The following OPHN1 variants were observed in gnomAD, a reference collection of about 807,000 sequenced individuals.
OPHN1 encodes the protein oligophrenin-1.
A neutral mutation model predicts 60.7 loss-of-function variants in OPHN1; 11 were observed. The ratio of observed to expected loss-of-function variants is 0.18; its 90% confidence interval spans 0.11 to 0.30. OPHN1 has a LOEUF of 0.30. OPHN1 is among the 10% of genes least tolerant of loss of function. OPHN1 has a pLI of 1.00. For synonymous variants in OPHN1, 226 were observed against 222.6 expected (o/e 1.02, Z -0.14); for missense variants, 449 against 611.0 (o/e 0.73, Z 2.80).
intron 19 of OPHN1, among the ~76,000 whole-genome samples, chrX:68,079,707 T>G (rs1347834888): frequency 8.9e-6 from 1 of 112,122 alleles, no homozygotes; most frequent in Non-Finnish European, 1.9e-5. Context: ...TCTAACTAAC[T>G]GCTCAATGTT....
intron 8 of OPHN1, 56 bp downstream of exon 8, chrX:68,212,052 G>T (rs752565032): frequency 1.0e-5 from 9 of 875,226 alleles, no homozygotes; most frequent in Non-Finnish European, 1.5e-5. Context: ...GGTCGCTAGG[G>T]CTGAAATTCA....
At chrX:68,421,505 A>G (rs1204267844) in intron 2 of OPHN1, among the ~76,000 whole-genome samples, 1 of 111,743 alleles carries the variant, frequency 8.9e-6, no homozygotes, top group Admixed American at 9.6e-5. Context: ...AGGGGCAGCT[A>G]TAAAACACCT....
chrX:68,347,756 G>A (rs1434080533), intron 2 of OPHN1, among the ~76,000 whole-genome samples: 4 of 111,980 alleles, frequency 3.6e-5, no homozygotes, highest in Non-Finnish European at 3.8e-5. Context: ...GCTCTGCTAA[G>A]AAGCTCTCTG....
At chrX:68,382,242 G>A (rs1388440409) in intron 2 of OPHN1, among the ~76,000 whole-genome samples, 1 of 110,935 alleles carries the variant, frequency 9.0e-6, no homozygotes, top group Admixed American at 9.7e-5. Flanking sequence ...AGCTACTCAG[G>A]AGGCTGAGGC....
At chrX:68,220,079 T>C in intron 6 of OPHN1, among the ~76,000 whole-genome samples, 1 of 103,956 alleles carries the variant, frequency 9.6e-6, no homozygotes, top group African/African-American at 3.4e-5. Flanking sequence ...ATAGACGCAA[T>C]AAAAAATGAT....
At chrX:68,241,375 A>G (rs1386560530) in intron 5 of OPHN1, among the ~76,000 whole-genome samples, 1 of 112,079 alleles carries the variant, frequency 8.9e-6, no homozygotes, top group East Asian at 2.8e-4. Flanking sequence ...CATTATTAAT[A>G]ATAGCAAAGT....
chrX:68,349,424 T>A (rs886963483), intron 2 of OPHN1, among the ~76,000 whole-genome samples: 16 of 110,951 alleles, frequency 1.4e-4, no homozygotes, highest in Middle Eastern at 4.6e-3. Flanking sequence ...GCTGGAGAGG[T>A]TGTGGAAAAA....
chrX:68,304,609 T>C (rs759705871), intron 2 of OPHN1, among the ~76,000 whole-genome samples: 51 of 111,927 alleles, frequency 4.6e-4, no homozygotes, highest in African/African-American at 1.6e-3. Context: ...CTTAGCATTC[T>C]TTAAATTAAC....
intron 21 of OPHN1, among the ~76,000 whole-genome samples, chrX:68,055,369 T>C (rs1198466704): frequency 4.5e-5 from 5 of 112,193 alleles, no homozygotes; most frequent in African/African-American, 1.3e-4. Flanking sequence ...TCATCACTGG[T>C]CATCAGAGAA....
chrX:68,384,596 C>T (rs1373032558), intron 2 of OPHN1, among the ~76,000 whole-genome samples: 1 of 110,762 alleles, frequency 9.0e-6, no homozygotes, highest in Admixed American at 9.7e-5. Context: ...TTGGCAGTTG[C>T]CTATAGTCCC....
chrX:68,204,565 A>G (rs996944613), intron 10 of OPHN1, among the ~76,000 whole-genome samples: 4 of 112,047 alleles, frequency 3.6e-5, no homozygotes, highest in African/African-American at 1.3e-4. Flanking sequence ...GTAAAATACA[A>G]ACTAGTATTA....
At chrX:68,259,113 G>A (rs1341341753) in intron 5 of OPHN1, among the ~76,000 whole-genome samples, 2 of 111,145 alleles carry the variant, frequency 1.8e-5, no homozygotes, top group Admixed American at 9.6e-5. Flanking sequence ...ACTGTCACAG[G>A]AGTATTGTTT....
chrX:68,321,413 AG>A (rs1169171454), intron 2 of OPHN1, among the ~76,000 whole-genome samples: 3 of 112,180 alleles, frequency 2.7e-5, no homozygotes, highest in Non-Finnish European at 3.8e-5. Flanking sequence ...AGAAGGATAC[AG>A]AATTCAAAAG....
In OPHN1 at chrX:68,323,963, G is replaced by A. The variant is rs775727781; in HGVS notation, c.155-24867C>T. On this transcript the variant is annotated intron_variant, in intron 2 of 24. Coordinates refer to ENST00000355520, the MANE Select transcript of OPHN1 (RefSeq NM_002547.3). ...AGACTAGAAAGAACTTCATTAACCT[G>A]ATGACCACTATCTATTAAAAGCTTA... Among the ~76,000 whole-genome samples, 7 of 111,887 alleles carry A rather than the reference G, an allele frequency of 6.3e-5. 1 individual carries two copies. The South Asian group carries it at 1.5e-3, about 24-fold the overall frequency.
chrX:68,351,712 T>G (rs914939476), intron 2 of OPHN1, among the ~76,000 whole-genome samples: 41 of 111,033 alleles, frequency 3.7e-4, no homozygotes, highest in African/African-American at 1.3e-3. Flanking sequence ...TGTTGTTGTT[T>G]TTGAGACAGA....
intron 4 of OPHN1, 47 bp from the exon 5 acceptor site, chrX:68,274,856 G>A: frequency 5.2e-6 from 5 of 952,806 alleles, no homozygotes; most frequent in Non-Finnish European, 7.5e-6. Context: ...GGTTAACAAG[G>A]TTCAGATACA....
chrX:68,136,303 T>G (rs1428333858), intron 15 of OPHN1, among the ~76,000 whole-genome samples: 1 of 85,063 alleles, frequency 1.2e-5, no homozygotes, highest in African/African-American at 4.3e-5. Context: ...TTTTTTTTTT[T>G]TTTTTTTTTT....
chrX:68,222,198 T>A (rs2077663492), intron 6 of OPHN1, among the ~76,000 whole-genome samples: 1 of 108,976 alleles, frequency 9.2e-6, no homozygotes, highest in African/African-American at 3.4e-5. Context: ...TCACTGGCCA[T>A]CAGAGAAATG....
intron 16 of OPHN1, among the ~76,000 whole-genome samples, chrX:68,116,781 T>C (rs1178141989): frequency 8.9e-6 from 1 of 111,769 alleles, no homozygotes; most frequent in Non-Finnish European, 1.9e-5. Flanking sequence ...CATTTGGTTG[T>C]ATGGGCCAGA....
Sources: allele counts gnomAD v4.1 joint callset (sites outside exome capture counted in the v4.1 genomes callset), GRCh38; gene constraint gnomAD v4.1.1; transcripts MANE v1.5; gene names NCBI Gene and HGNC (gene_info 2026-07-23, HGNC 2026-07-21).